FGD4: variants seen among roughly 807,000 people sequenced by gnomAD.
The protein encoded by FGD4 is FYVE, RhoGEF and PH domain-containing protein 4.
Under a neutral mutation model 102.0 loss-of-function variants are expected in FGD4, and 42 were observed. That is an observed-to-expected ratio of 0.41 (90% CI 0.32 to 0.53). The LOEUF (loss-of-function observed/expected upper bound fraction) is 0.53. Ranked by LOEUF, FGD4 falls within the 20% of genes least tolerant of loss-of-function variation. FGD4 has a pLI of 0.21. For missense variants in FGD4, 902 were observed against 1,078.2 expected (o/e 0.84, Z 2.29); for synonymous variants, 380 against 375.7 (o/e 1.01, Z -0.13).
At chr12:32,521,267 T>G (rs2136741010) in intron 1 of FGD4, among the ~76,000 whole-genome samples, 1 of 149,900 alleles carries the variant, frequency 6.7e-6, no homozygotes, top group South Asian at 2.1e-4. Context: ...TTCCAGCTAC[T>G]CGGGAGGCTG....
intron 4 of FGD4, among the ~76,000 whole-genome samples, chr12:32,583,454 C>A (rs1946776268): frequency 6.6e-6 from 1 of 152,054 alleles, no homozygotes; most frequent in African/African-American, 2.4e-5. Flanking sequence ...TAGCTCACAA[C>A]CCTCATGCTG....
chr12:32,578,558 G>A (rs963811452), intron 3 of FGD4, among the ~76,000 whole-genome samples: 4 of 152,246 alleles, frequency 2.6e-5, no homozygotes, highest in East Asian at 1.9e-4. Context: ...GGCTGGGTAC[G>A]GTGGCTCATG....
chr12:32,562,100 T>C (rs1247990700), intron 1 of FGD4, among the ~76,000 whole-genome samples: 1 of 152,200 alleles, frequency 6.6e-6, no homozygotes. Context: ...TCCTCCTTTG[T>C]TCTTTTGAGT....
chr12:32,470,764 G>T lies in FGD4; in HGVS notation c.166+70805G>T, dbSNP rs370037523. 7.2e-5 allele frequency among the ~76,000 whole-genome samples: 11 copies of T among 152,164 alleles called. No individual in the cohort carries two copies. In the South Asian group the frequency reaches 1.0e-3, roughly 14 times the overall value. ...CCGCTGCGCCCGGCCTGCTTTGAAG[G>T]TTTCCTTGTCTCTTCCCACCAATTG... On this transcript the variant is annotated intron_variant, in intron 1 of 16. Coordinates refer to ENST00000534526, the MANE Select transcript of FGD4 (RefSeq NM_001370298.3).
Position 32,564,271 on chromosome 12 carries a change from G to GC in FGD4, c.302dup (p.Ser102LysfsTer28), listed in dbSNP as rs1944998360. 2 of 1,535,892 alleles carry GC rather than the reference G, an allele frequency of 1.3e-6. No homozygotes were observed. The highest frequency in any genetic ancestry group is 2.0e-5 in the Admixed American group (1 of 50,974). On this transcript the variant is annotated frameshift_variant, in exon 2 of 17. Transcript: ENST00000534526. LOFTEE classifies it high-confidence loss of function. ...GAACAGGCCAGCAAAACACTCAGCT[G>GC]CAAGTCCAAAGCCACAAGGTATGCT...
At chr12:32,545,447 C>T (rs1943158504) in intron 1 of FGD4, among the ~76,000 whole-genome samples, 3 of 152,192 alleles carry the variant, frequency 2.0e-5, no homozygotes, top group Non-Finnish European at 2.9e-5. Context: ...TAAACTTTTT[C>T]TGTGAAGGGC....
chr12:32,556,338 C>T (rs955293006), intron 1 of FGD4, among the ~76,000 whole-genome samples: 2 of 152,104 alleles, frequency 1.3e-5, no homozygotes, highest in African/African-American at 2.4e-5. Flanking sequence ...TCATTAAATA[C>T]ATTCACCACT....
chr12:32,615,243 A>G (rs747697091), intron 10 of FGD4, among the ~76,000 whole-genome samples: 10 of 152,204 alleles, frequency 6.6e-5, no homozygotes. Flanking sequence ...GTATGGTTCT[A>G]TTTATATGAA....
At chr12:32,513,123 A>G (rs1228367006) in intron 1 of FGD4, among the ~76,000 whole-genome samples, 1 of 152,208 alleles carries the variant, frequency 6.6e-6, no homozygotes, top group African/African-American at 2.4e-5. Flanking sequence ...GGTACATGCA[A>G]AGTGCTGTGA....
intron 1 of FGD4, among the ~76,000 whole-genome samples, chr12:32,511,567 A>G (rs958421355): frequency 3.3e-5 from 5 of 152,030 alleles, no homozygotes; most frequent in Middle Eastern, 3.4e-3. Context: ...CTCCCAAAGT[A>G]CTGGGATTAC....
chr12:32,602,385 C>A (rs1948484254), intron 7 of FGD4, 68 bp downstream of exon 7: 1 of 1,581,844 alleles, frequency 6.3e-7, no homozygotes, highest in Non-Finnish European at 8.7e-7. Context: ...TCTTCTATAT[C>A]TAAAACTGAG....
At chr12:32,443,534 G>GTTTTTTT (rs1178483915) in intron 1 of FGD4, among the ~76,000 whole-genome samples, 2 of 118,360 alleles carry the variant, frequency 1.7e-5, no homozygotes, top group Non-Finnish European at 1.8e-5. Context: ...TGTGTTTTAG[G>GTTTTTTT]TTTTTTTTTT....
At chr12:32,511,477 T>A (rs112213741) in intron 1 of FGD4, among the ~76,000 whole-genome samples, 2,437 of 151,908 alleles carry the variant, frequency 0.016, 69 homozygotes, top group African/African-American at 0.054. Context: ...TTTTTTATAT[T>A]TTTTTTAGTA....
At chr12:32,523,392 T>G (rs899371490) in intron 1 of FGD4, among the ~76,000 whole-genome samples, 1 of 152,214 alleles carries the variant, frequency 6.6e-6, no homozygotes, top group African/African-American at 2.4e-5. Flanking sequence ...ACCATCCATC[T>G]TTAGAATTTT....
intron 1 of FGD4, among the ~76,000 whole-genome samples, chr12:32,483,321 A>G (rs796727576): frequency 1.3e-5 from 2 of 152,236 alleles, no homozygotes; most frequent in South Asian, 4.1e-4. Flanking sequence ...GAAAAATAGC[A>G]CAATCACACA....
chr12:32,510,894 G>A (rs1592056003), intron 1 of FGD4, among the ~76,000 whole-genome samples: 1 of 152,320 alleles, frequency 6.6e-6, no homozygotes, highest in Middle Eastern at 3.4e-3. Flanking sequence ...TTTTTAAAGT[G>A]CTTAAGTGTT....
chr12:32,533,636 GC>G (rs1324957147), intron 1 of FGD4, among the ~76,000 whole-genome samples: 2 of 152,158 alleles, frequency 1.3e-5, no homozygotes, highest in African/African-American at 4.8e-5. Flanking sequence ...TGTTGGCCAG[GC>G]TGGTTTCGAA....
intron 4 of FGD4, among the ~76,000 whole-genome samples, chr12:32,585,302 G>A (rs1056947105): frequency 2.7e-5 from 4 of 145,554 alleles, no homozygotes; most frequent in East Asian, 2.0e-4. Context: ...AGAACTGAAC[G>A]GTGAACTCAG....
intron 1 of FGD4, among the ~76,000 whole-genome samples, chr12:32,400,816 T>C (rs1210334883): frequency 6.6e-6 from 1 of 152,216 alleles, no homozygotes; most frequent in Admixed American, 6.5e-5. Context: ...TAATTCTAAT[T>C]ACTTTCACGC....
Sources: gnomAD v4.1 joint callset for allele counts (sites outside exome capture counted in the v4.1 genomes callset) on GRCh38, gnomAD v4.1.1 for gene constraint, MANE v1.5 for transcripts, NCBI Gene and HGNC (gene_info 2026-07-23, HGNC 2026-07-21) for gene names.